CD36: variants seen among roughly 807,000 people sequenced by gnomAD.
CD36 encodes the protein CD36 molecule (CD36 blood group), also known as platelet glycoprotein 4.
CD36 carries 119 observed loss-of-function variants against 55.2 expected under a neutral mutation model. The observed-to-expected ratio is 2.15, with a 90% CI of 1.86 to 2.51. The LOEUF is 2.51. CD36 is among the 30% of genes most tolerant of loss of function. The pLI is 0.00. For synonymous variants in CD36, 186 were observed against 193.6 expected (o/e 0.96, Z 0.33); for missense variants, 819 against 555.5 (o/e 1.47, Z -4.77).
At chr7:80,663,259 A>C in intron 6 of CD36, 90 bp downstream of exon 6, 1 of 1,087,000 alleles carries the variant, frequency 9.2e-7, no homozygotes, top group Non-Finnish European at 1.4e-6. Flanking sequence ...AATTTAGCTC[A>C]TTAGTCTTAT....
In CD36 at chr7:80,669,959, C is replaced by A. The variant is rs147624636; in HGVS notation, c.755C>A (p.Ala252Asp). The A allele has an allele frequency of 6.2e-7, 1 of 1,611,174 alleles. No homozygotes were observed. Among genetic ancestry groups the A allele is most frequent in the South Asian group, 1.1e-5 (1 of 91,018 alleles). ...CCACTCGATTTTTAAACAGATGCAG[C>A]CTCATTTCCACCTTTTGTTGAGAAA... ...HCDMINGTDA[A>D]SFPPFVEKSQ... Residue 252 changes from alanine to aspartate, a missense_variant, in exon 9 of 15, where the codon GCC becomes GAC. Transcript: ENST00000447544.
intron 1 of CD36, among the ~76,000 whole-genome samples, chr7:80,625,586 A>G (rs1054651035): frequency 1.3e-5 from 2 of 152,158 alleles, no homozygotes; most frequent in African/African-American, 4.8e-5. Flanking sequence ...GATGGCTAGT[A>G]TTGTGACTCA....
chr7:80,665,811 G>A (rs773081599), intron 7 of CD36: 1 of 152,138 alleles, frequency 6.6e-6, no homozygotes, highest in African/African-American at 2.4e-5. Flanking sequence ...AAGTGAGGAT[G>A]CAGGGAAACT....
At chr7:80,612,082 C>G (rs979329641) in intron 1 of CD36, among the ~76,000 whole-genome samples, 5 of 152,204 alleles carry the variant, frequency 3.3e-5, no homozygotes, top group Non-Finnish European at 5.9e-5. Context: ...CAGCCCAGCT[C>G]CTGGGTGATG....
chr7:80,671,806 TA>T (rs1294451520), intron 10 of CD36, 115 bp from the exon 11 acceptor site: 7 of 895,240 alleles, frequency 7.8e-6, no homozygotes, highest in Non-Finnish European at 1.1e-5. Context: ...CCACCCATGT[TA>T]AAAACCATGT....
intron 9 of CD36, 25 bp from the exon 10 acceptor site, chr7:80,670,952 G>A (rs1327233073): frequency 3.9e-6 from 6 of 1,549,098 alleles, no homozygotes; most frequent in East Asian, 2.2e-5. Context: ...TTCCTGGAAT[G>A]CAGCTCTTTT....
chr7:80,673,818 T>G (rs888182459), intron 13 of CD36, 165 bp from the exon 14 acceptor site: 4 of 661,510 alleles, frequency 6.0e-6, no homozygotes, highest in Admixed American at 4.4e-5. Context: ...TATCTGGCAC[T>G]TAATTGCCTT....
chr7:80,674,409 A>AGTTGT, intron 14 of CD36: 1 of 397,656 alleles, frequency 2.5e-6, no homozygotes, highest in East Asian at 5.3e-5. Context: ...CTTGTGCCAA[A>AGTTGT]GTTGTCCAAA....
chr7:80,630,081 A>C (rs1329238764), intron 1 of CD36, among the ~76,000 whole-genome samples: 1 of 152,074 alleles, frequency 6.6e-6, no homozygotes, highest in Non-Finnish European at 1.5e-5. Context: ...GAATTTTAAT[A>C]GTTTGAAGAA....
intron 1 of CD36, among the ~76,000 whole-genome samples, chr7:80,629,752 GTTC>G (rs1481776858): frequency 6.6e-6 from 1 of 151,902 alleles, no homozygotes; most frequent in Admixed American, 6.6e-5. Context: ...TTTATTCATT[GTTC>G]TTCATGTGTA....
intron 3 of CD36, among the ~76,000 whole-genome samples, 161 bp from the exon 4 acceptor site, chr7:80,656,379 C>T (rs1354168160): frequency 6.6e-6 from 1 of 152,118 alleles, no homozygotes; most frequent in Non-Finnish European, 1.5e-5. Context: ...TTGTTGAAAA[C>T]ATTTCTGCTG....
chr7:80,673,866 T>A, intron 13 of CD36, 117 bp from the exon 14 acceptor site: 1 of 775,732 alleles, frequency 1.3e-6, no homozygotes, highest in East Asian at 2.7e-5. Flanking sequence ...ACTTGCCTTA[T>A]AGATACTGAT....
At chr7:80,658,466 G>A (rs938979512) in intron 4 of CD36, among the ~76,000 whole-genome samples, 2 of 151,818 alleles carry the variant, frequency 1.3e-5, no homozygotes, top group Non-Finnish European at 2.9e-5. Context: ...TTTGTTTGGG[G>A]GAAGTTATAT....
chr7:80,654,296 T>A (rs2116537763), intron 3 of CD36, among the ~76,000 whole-genome samples: 1 of 152,278 alleles, frequency 6.6e-6, no homozygotes, highest in African/African-American at 2.4e-5. Context: ...TAAGAGATAT[T>A]AGGTCGGTAC....
chr7:80,665,275 TAATA>T (rs1796962812), intron 7 of CD36, among the ~76,000 whole-genome samples: 1 of 151,962 alleles, frequency 6.6e-6, no homozygotes, highest in South Asian at 2.1e-4. Flanking sequence ...GGAAGAACCC[TAATA>T]AATATCAGAG....
Position 80,666,506 on chromosome 7 carries a change from T to C in CD36, c.748+17T>C. The C allele has an allele frequency of 6.3e-7, 1 of 1,595,344 alleles. No individual in the cohort carries two copies. Among genetic ancestry groups the C allele is most frequent in the Non-Finnish European group, 8.6e-7 (1 of 1,163,508 alleles). On this transcript the variant is annotated intron_variant, in intron 8 of 14. Coordinates refer to ENST00000447544, the MANE Select transcript of CD36 (RefSeq NM_001001548.3). ...ATGGTACAGGTAAGAATATTTGTTT[T>C]GTGGTCATCACAGTTAATCCACCTC...
At chr7:80,625,804 T>G (rs2115978292) in intron 1 of CD36, among the ~76,000 whole-genome samples, 1 of 152,288 alleles carries the variant, frequency 6.6e-6, no homozygotes, top group African/African-American at 2.4e-5. Context: ...TGACTGTCTC[T>G]AAAGAATTGG....
Position 80,673,234 on chromosome 7 carries a change from A to T in CD36, c.1200-121A>T, listed in dbSNP as rs115514935. The T allele has an allele frequency of 1.3e-3, 764 of 567,998 alleles. 4 individuals carry two copies. The African/African-American group carries it at 0.014, about 10-fold the overall frequency. 35.2% of individuals were successfully genotyped at this position (567,998 alleles called of 1,614,324 possible). A position where few individuals can be genotyped will look rare whatever the true frequency, so the allele number is the denominator to read the frequency against. On this transcript the variant is annotated intron_variant, in intron 12 of 14. Coordinates refer to ENST00000447544, the MANE Select transcript of CD36 (RefSeq NM_001001548.3). ...AAACAACTATATTAAAATTTAAATG[A>T]GTCATTACAGGAACAAAATCAAATT...
Position 80,656,528 on chromosome 7 carries a change from T to G in CD36, c.121-12T>G. On this transcript the variant is annotated splice_polypyrimidine_tract_variant and intron_variant, in intron 3 of 14. Transcript: ENST00000447544. ...ACAAAGACATAACCCAAACTTATTT[T>G]CTTTTTCATAGCAAGTTGTCCTCGA... 1.9e-6 allele frequency: 3 copies of G among 1,612,856 alleles called. No homozygotes were observed. The highest frequency in any genetic ancestry group is 2.5e-6 in the Non-Finnish European group (3 of 1,179,268).
Sources: gnomAD v4.1 joint callset for allele counts (sites outside exome capture counted in the v4.1 genomes callset) on GRCh38, gnomAD v4.1.1 for gene constraint, MANE v1.5 for transcripts, NCBI Gene and HGNC (gene_info 2026-07-23, HGNC 2026-07-21) for gene names.